The following GABBR2 variants were observed in gnomAD, a reference collection of about 807,000 sequenced individuals.
The protein encoded by GABBR2 is G-protein coupled receptor 51.
GABBR2 carries 23 observed loss-of-function variants against 105.6 expected under a neutral mutation model. The observed-to-expected ratio is 0.22, with a 90% confidence interval of 0.16 to 0.31. GABBR2 has a LOEUF of 0.31. GABBR2 is among the 10% of genes least tolerant of loss of function. GABBR2 has a pLI of 1.00. For synonymous variants in GABBR2, 478 were observed against 499.7 expected (o/e 0.96, Z 0.58); for missense variants, 734 against 1,245.5 (o/e 0.59, Z 6.18).
chr9:98,521,833 G>A (rs1259536466), intron 3 of GABBR2, among the ~76,000 whole-genome samples: 3 of 152,018 alleles, frequency 2.0e-5, no homozygotes, highest in Non-Finnish European at 4.4e-5. Context: ...GGTCATAGAA[G>A]GCATAAAATG....
chr9:98,373,329 T>C (rs1831818126), intron 11 of GABBR2, among the ~76,000 whole-genome samples: 1 of 152,038 alleles, frequency 6.6e-6, no homozygotes, highest in Non-Finnish European at 1.5e-5. Flanking sequence ...GACACCAGGG[T>C]GATTTTTTGG....
At chr9:98,627,459 G>A (rs901457681) in intron 1 of GABBR2, among the ~76,000 whole-genome samples, 17 of 152,184 alleles carry the variant, frequency 1.1e-4, no homozygotes, top group African/African-American at 3.6e-4. Flanking sequence ...TCATTCTTCC[G>A]GCTAATGCAG....
At chr9:98,564,900 A>G (rs1435449805) in intron 2 of GABBR2, among the ~76,000 whole-genome samples, 1 of 152,064 alleles carries the variant, frequency 6.6e-6, no homozygotes, top group Non-Finnish European at 1.5e-5. Context: ...GTTGGGGAAG[A>G]CTAGGAAGCC....
chr9:98,544,012 C>T (rs1260759494), intron 2 of GABBR2, among the ~76,000 whole-genome samples: 1 of 151,862 alleles, frequency 6.6e-6, no homozygotes, highest in East Asian at 1.9e-4. Context: ...TGTCTGTCCT[C>T]CCTCCTTCCC....
rs147609547 is a variant in GABBR2 at position 98,585,127 on chromosome 9, C to T, written c.322-7055G>A. ...GAGGACAGATTTTTTGGGCATGTAG[C>T]ACCTAGAATGGTCCCCCAAATACCT... On this transcript the variant is annotated intron_variant, in intron 1 of 18. Coordinates refer to ENST00000259455, the MANE Select transcript of GABBR2 (RefSeq NM_005458.8). Among the ~76,000 whole-genome samples the T allele has an allele frequency of 9.8e-4, 149 of 152,228 alleles. 2 individuals carry two copies. Among genetic ancestry groups the T allele is most frequent in the Admixed American group, 3.7e-3 (56 of 15,294 alleles).
rs1433245976 is a variant in GABBR2, at chr9:98,306,213, T to C, written c.2137A>G (p.Thr713Ala). The change falls in exon 15 of 19, where the codon ACC becomes GCC. Residue 713 changes from threonine to alanine, a missense_variant. Around this residue, in one of 7 missense-constraint regions of GABBR2, gnomAD observed 91 missense variants for 185.9 expected, o/e 0.49. Transcript: ENST00000259455. This position sits in a 1 kb window ranked among gnomAD's most constrained non-coding sequence, Gnocchi z 5.4. ...AACTGCACATTGGGCTGGTCCCGGG[T>C]CAGGAAGGAGACAGCGGCCCCGATG... ...CIIGAAVSFL[T>A]RDQPNVQFCI... 9 of 1,614,062 alleles carry C rather than the reference T, an allele frequency of 5.6e-6. No individual in the cohort carries two copies. Among genetic ancestry groups the C allele is most frequent in the Non-Finnish European group, 7.6e-6 (9 of 1,180,002 alleles).
intron 1 of GABBR2, among the ~76,000 whole-genome samples, chr9:98,680,661 A>G (rs1057281196): frequency 2.0e-5 from 3 of 152,196 alleles, no homozygotes; most frequent in Non-Finnish European, 2.9e-5. Context: ...CTAGCATAAG[A>G]ATAAACAGGT....
chr9:98,403,293 CAAA>C (rs546167489), intron 8 of GABBR2, among the ~76,000 whole-genome samples: 276 of 86,118 alleles, frequency 3.2e-3, no homozygotes, highest in African/African-American at 0.011. Context: ...GACTCCGTCT[CAAA>C]AAAAAAAAAA....
At chr9:98,584,266 C>A (rs10123407) in intron 1 of GABBR2, among the ~76,000 whole-genome samples, 15,820 of 152,254 alleles carry the variant, frequency 0.1, 989 homozygotes, top group South Asian at 0.17. Flanking sequence ...CTCAAAGCTT[C>A]ATGACTGGCC....
intron 1 of GABBR2, among the ~76,000 whole-genome samples, chr9:98,627,633 T>C (rs1829758112): frequency 6.6e-6 from 1 of 152,216 alleles, no homozygotes; most frequent in African/African-American, 2.4e-5. Flanking sequence ...CACAGAAGTG[T>C]CCACACAGGG....
chr9:98,708,293 C>T, intron 1 of GABBR2, 124 bp downstream of exon 1: 8 of 1,036,508 alleles, frequency 7.7e-6, no homozygotes, highest in Non-Finnish European at 1.0e-5. Context: ...CCAGCCCTCT[C>T]TGCCCTCGGC....
At chr9:98,577,394 C>A (rs928802764) in intron 2 of GABBR2, among the ~76,000 whole-genome samples, 4 of 152,178 alleles carry the variant, frequency 2.6e-5, no homozygotes, top group Non-Finnish European at 5.9e-5. Flanking sequence ...TCTGCCAGGG[C>A]AAAGAGTGAA....
intron 1 of GABBR2, among the ~76,000 whole-genome samples, chr9:98,595,504 G>A (rs1396217207): frequency 4.8e-5 from 4 of 83,750 alleles, no homozygotes; most frequent in Admixed American, 1.3e-4. Flanking sequence ...CTGCAGGGGC[G>A]GGGTGCTTGG....
chr9:98,624,117 A>G (rs905207867), intron 1 of GABBR2, among the ~76,000 whole-genome samples: 84 of 152,202 alleles, frequency 5.5e-4, no homozygotes, highest in Non-Finnish European at 7.3e-5. Flanking sequence ...AAGGACAGTA[A>G]GGAGGGCAAG....
intron 1 of GABBR2, among the ~76,000 whole-genome samples, chr9:98,635,035 C>T (rs1229388828): frequency 1.3e-5 from 2 of 152,180 alleles, no homozygotes; most frequent in African/African-American, 4.8e-5. Context: ...TTCAACAGCC[C>T]ATCTCCTGCT....
At chr9:98,372,534 G>A (rs980923899) in intron 11 of GABBR2, among the ~76,000 whole-genome samples, 3 of 152,210 alleles carry the variant, frequency 2.0e-5, no homozygotes, top group Non-Finnish European at 4.4e-5. Flanking sequence ...TGAACACAAG[G>A]CAGAAAGTTG....
intron 2 of GABBR2, among the ~76,000 whole-genome samples, chr9:98,567,808 C>T (rs146218342): frequency 2.0e-5 from 3 of 152,248 alleles, no homozygotes; most frequent in African/African-American, 4.8e-5. Flanking sequence ...GAAAATGACC[C>T]GGAGCTTCGG....
intron 9 of GABBR2, among the ~76,000 whole-genome samples, chr9:98,390,360 C>T (rs1187928310): frequency 1.1e-5 from 1 of 92,602 alleles, no homozygotes; most frequent in Admixed American, 1.7e-4. Context: ...GGTGACAGAG[C>T]AAGACTCCAT....
chr9:98,580,086 G>A (rs1041446880), intron 1 of GABBR2, among the ~76,000 whole-genome samples: 1 of 152,158 alleles, frequency 6.6e-6, no homozygotes, highest in Non-Finnish European at 1.5e-5. Context: ...AATCTGGCCT[G>A]AGTTCCCTTT....
Sources: allele counts gnomAD v4.1 joint callset (sites outside exome capture counted in the v4.1 genomes callset), GRCh38; gene constraint gnomAD v4.1.1; regional missense constraint gnomAD v4.1.1; non-coding constraint Gnocchi (gnomAD v3.1); transcripts MANE v1.5; gene names NCBI Gene and HGNC (gene_info 2026-07-23, HGNC 2026-07-21).